The following SPOCK1 variants were observed in gnomAD, a reference collection of about 807,000 sequenced individuals.
The protein encoded by SPOCK1 is testican-1.
A neutral mutation model predicts 55.3 loss-of-function variants in SPOCK1; 23 were observed. The ratio of observed to expected loss-of-function variants is 0.42; its 90% CI spans 0.30 to 0.59. SPOCK1 has a LOEUF of 0.59. SPOCK1 is among the 20% of genes least tolerant of loss of function. The pLI, the probability that SPOCK1 is intolerant of heterozygous loss-of-function variation, is 0.22. For synonymous variants in SPOCK1, 226 were observed against 221.0 expected, an observed-to-expected ratio of 1.02 and a Z score of -0.20; for missense variants, 499 against 552.5, an observed-to-expected ratio of 0.90 and a Z score of 0.97.
intron 6 of SPOCK1, among the ~76,000 whole-genome samples, chr5:136,994,730 A>G (rs1322761053): frequency 6.6e-6 from 1 of 151,624 alleles, no homozygotes; most frequent in Non-Finnish European, 1.5e-5. Context: ...ATTAAAATTT[A>G]GGCCAGGTGC....
chr5:137,210,769 A>G (rs1045110902), intron 3 of SPOCK1, among the ~76,000 whole-genome samples: 3 of 152,322 alleles, frequency 2.0e-5, no homozygotes, highest in African/African-American at 7.2e-5. Context: ...CACAGCTCTC[A>G]TCTTCTAATT....
chr5:137,046,364 C>A (rs1752105877), intron 6 of SPOCK1, among the ~76,000 whole-genome samples: 1 of 148,642 alleles, frequency 6.7e-6, no homozygotes, highest in African/African-American at 2.5e-5. Context: ...CCTTCACATC[C>A]CTTGTAAGTT....
At chr5:137,108,247 C>G (rs1189951352) in intron 5 of SPOCK1, among the ~76,000 whole-genome samples, 2 of 152,168 alleles carry the variant, frequency 1.3e-5, no homozygotes, top group African/African-American at 4.8e-5. Context: ...TAAATCCAAC[C>G]AGACTGAAAT....
chr5:137,176,508 G>GTT (rs910136849), intron 3 of SPOCK1, among the ~76,000 whole-genome samples: 2 of 69,652 alleles, frequency 2.9e-5, no homozygotes, highest in African/African-American at 3.7e-5. Context: ...CACAATGTGT[G>GTT]TGTGTGTGTG....
chr5:137,037,285 G>C (rs1032178167), intron 6 of SPOCK1, among the ~76,000 whole-genome samples: 2 of 150,936 alleles, frequency 1.3e-5, no homozygotes, highest in Non-Finnish European at 2.9e-5. Context: ...TAGGTACTGG[G>C]AAATGGAGGC....
At chr5:137,280,238 T>A (rs1047610622) in intron 2 of SPOCK1, among the ~76,000 whole-genome samples, 16 of 152,212 alleles carry the variant, frequency 1.1e-4, no homozygotes, top group African/African-American at 3.4e-4. Context: ...TACACATCAA[T>A]AAGGACATAT....
intron 6 of SPOCK1, among the ~76,000 whole-genome samples, chr5:137,025,940 A>T (rs1306199364): frequency 6.6e-6 from 1 of 152,206 alleles, no homozygotes; most frequent in Non-Finnish European, 1.5e-5. Context: ...TATTAACCCC[A>T]CTCAGGAATA....
At chr5:137,490,015 A>T (rs753630674) in intron 2 of SPOCK1, among the ~76,000 whole-genome samples, 3 of 152,180 alleles carry the variant, frequency 2.0e-5, no homozygotes, top group Non-Finnish European at 4.4e-5. Context: ...TTATTCCGTG[A>T]TTGTTTGTCT....
chr5:137,203,355 C>G (rs372580852), intron 3 of SPOCK1, among the ~76,000 whole-genome samples: 44 of 152,024 alleles, frequency 2.9e-4, no homozygotes, highest in Middle Eastern at 3.4e-3. Flanking sequence ...ATAAGGTTCA[C>G]GAGAGCTTCA....
At chr5:137,268,416 G>T (rs1756898301) in intron 2 of SPOCK1, among the ~76,000 whole-genome samples, 1 of 152,172 alleles carries the variant, frequency 6.6e-6, no homozygotes, top group Non-Finnish European at 1.5e-5. Context: ...TCTGGTTAGG[G>T]AGTCTTTGAG....
intron 2 of SPOCK1, among the ~76,000 whole-genome samples, chr5:137,478,447 G>A (rs1157945392): frequency 6.6e-6 from 1 of 152,114 alleles, no homozygotes; most frequent in African/African-American, 2.4e-5. Context: ...AATCACATCT[G>A]AGTCCCACAT....
intron 3 of SPOCK1, among the ~76,000 whole-genome samples, chr5:137,209,403 T>C (rs776737652): frequency 3.2e-4 from 48 of 152,324 alleles, no homozygotes; most frequent in Non-Finnish European, 6.2e-4. Flanking sequence ...CAAGTAGATG[T>C]GGAGGTAGTT....
rs368329029 is a variant in SPOCK1 at position 137,272,256 on chromosome 5, A to G, written c.187-5201T>C. On this transcript the variant is annotated intron_variant, in intron 2 of 10. Transcript: ENST00000394945. ...GCAAACTGGTTCTATTTATCTTCAC[A>G]CTACTTGACTGGGGGGAATAGGAAG... Among the ~76,000 whole-genome samples, 8 of 152,296 alleles carry G rather than the reference A, an allele frequency of 5.3e-5. No individual in the cohort carries two copies. The East Asian group carries it at 9.7e-4, about 18-fold the overall frequency.
At chr5:137,278,927 T>C (rs963165753) in intron 2 of SPOCK1, among the ~76,000 whole-genome samples, 2 of 152,008 alleles carry the variant, frequency 1.3e-5, no homozygotes, top group African/African-American at 4.8e-5. Context: ...AATGTACTAG[T>C]CTATGCCATG....
chr5:137,272,476 C>A (rs1170649968), intron 2 of SPOCK1, among the ~76,000 whole-genome samples: 1 of 152,178 alleles, frequency 6.6e-6, no homozygotes, highest in Non-Finnish European at 1.5e-5. Context: ...AAGAAAGGAG[C>A]TAGCATCACA....
At chr5:137,186,013 T>A (rs913082666) in intron 3 of SPOCK1, among the ~76,000 whole-genome samples, 3 of 152,200 alleles carry the variant, frequency 2.0e-5, no homozygotes, top group African/African-American at 7.2e-5. Flanking sequence ...AGACCAAATT[T>A]ATCTGTGCCA....
intron 2 of SPOCK1, among the ~76,000 whole-genome samples, chr5:137,359,144 T>A (rs1374435428): frequency 6.6e-6 from 1 of 152,228 alleles, no homozygotes; most frequent in Non-Finnish European, 1.5e-5. Context: ...GAATTCTCCC[T>A]CTAACTGGGG....
intron 2 of SPOCK1, among the ~76,000 whole-genome samples, chr5:137,301,003 A>T (rs566345864): frequency 2.6e-5 from 4 of 152,202 alleles, no homozygotes; most frequent in African/African-American, 9.7e-5. Flanking sequence ...GTCTAAGACC[A>T]TGTGGTCTTA....
At position 137,066,755 on chromosome 5, in the gene SPOCK1, G is replaced by A. The variant is rs79092369; in HGVS notation, c.589+960C>T. Among the ~76,000 whole-genome samples the A allele has an allele frequency of 6.4e-3, 972 of 152,170 alleles. 10 individuals carry two copies. The highest frequency in any genetic ancestry group is 0.022 in the African/African-American group (903 of 41,508). ...ATCACAGTGTTTCATGGTTTACAACGTCCTTCCACATCCTGACTTAAACCT... is the reference window on the plus strand; with the variant it reads ...ATCACAGTGTTTCATGGTTTACAACATCCTTCCACATCCTGACTTAAACCT... On this transcript the variant is annotated intron_variant, in intron 6 of 10. Transcript: ENST00000394945.
Sources: gnomAD v4.1 joint callset for allele counts (sites outside exome capture counted in the v4.1 genomes callset) on GRCh38, gnomAD v4.1.1 for gene constraint, MANE v1.5 for transcripts, NCBI Gene and HGNC (gene_info 2026-07-23, HGNC 2026-07-21) for gene names.